CCDC125: variants seen among roughly 807,000 people sequenced by gnomAD.
CCDC125 encodes coiled-coil domain-containing protein 125.
Under a neutral mutation model 57.4 loss-of-function variants are expected in CCDC125, and 43 were observed. The ratio of observed to expected loss-of-function variants is 0.75; its 90% CI spans 0.59 to 0.97. The LOEUF (loss-of-function observed/expected upper bound fraction) is 0.97. Ranked by LOEUF, CCDC125 falls within the 50% of genes least tolerant of loss-of-function variation. CCDC125 has a pLI of 0.00. For synonymous variants in CCDC125, 187 were observed against 195.2 expected, an observed-to-expected ratio of 0.96 and a Z score of 0.35; for missense variants, 563 against 595.7, an observed-to-expected ratio of 0.95 and a Z score of 0.57.
chr5:69,322,137 A>C lies in CCDC125; in HGVS notation c.-40-1557T>G, dbSNP rs996736609. Among the ~76,000 whole-genome samples, 2 of 150,636 alleles carry C rather than the reference A, an allele frequency of 1.3e-5. 1 individual carries two copies. Among genetic ancestry groups the C allele is most frequent in the South Asian group, 4.2e-4 (2 of 4,772 alleles). The stretch of plus-strand genomic sequence containing the variant: ...ATTACAGGCATGAGCCACCGCGCCC[A>C]GCTGGGTTTTTTTTTTCATTTGTTT... On this transcript the variant is annotated intron_variant, in intron 1 of 11. Transcript: ENST00000396496.
At chr5:69,308,789 A>C (rs907250151) in intron 4 of CCDC125, 12 of 158,420 alleles carry the variant, frequency 7.6e-5, no homozygotes, top group African/African-American at 2.4e-4. Flanking sequence ...AAATGTGGGA[A>C]AGATTGGAAC....
chr5:69,276,426 G>T, downstream of CCDC125: 1 of 812,126 alleles, frequency 1.2e-6, no homozygotes, highest in Non-Finnish European at 2.0e-6. Flanking sequence ...TGTTTTGTTG[G>T]GAATGAGGGC....
the CCDC125 span, among the ~76,000 whole-genome samples, chr5:69,274,093 C>G: frequency 5.3e-5 from 8 of 152,140 alleles, no homozygotes; most frequent in Non-Finnish European, 1.0e-4. Flanking sequence ...TTATTTCCAT[C>G]ATAATAAACT....
chr5:69,295,619 G>A (rs180915648), intron 8 of CCDC125, among the ~76,000 whole-genome samples: 2 of 152,256 alleles, frequency 1.3e-5, no homozygotes, highest in East Asian at 3.9e-4. Flanking sequence ...CTCCGTTACA[G>A]ATTAGCTGTC....
intron 5 of CCDC125, 41 bp downstream of exon 5, chr5:69,307,910 C>T: frequency 6.9e-7 from 1 of 1,455,394 alleles, no homozygotes. Flanking sequence ...TATTTAACAG[C>T]TTATTGGATT....
At chr5:69,328,265 G>A (rs911418373) in intron 1 of CCDC125, among the ~76,000 whole-genome samples, 5 of 151,834 alleles carry the variant, frequency 3.3e-5, no homozygotes, top group African/African-American at 1.2e-4. Flanking sequence ...AATGCATTCA[G>A]CAATTTACTC....
chr5:69,313,476 C>T, intron 3 of CCDC125: 4 of 1,133,980 alleles, frequency 3.5e-6, no homozygotes, highest in Non-Finnish European at 4.0e-6. Flanking sequence ...GTAATTCTTG[C>T]TTGATTCCTG....
chr5:69,294,848 G>C lies in CCDC125; in HGVS notation c.869C>G (p.Ser290Cys). Residue 290 changes from serine to cysteine, a missense_variant, in exon 9 of 12, where the codon TCT (serine) becomes TGT (cysteine). Coordinates refer to ENST00000396496, the MANE Select transcript of CCDC125 (RefSeq NM_176816.5). ...AGTGGATGCTGCCATTCTGGCACAA[G>C]AACAGGGGTTCCCTCCGGGCCCATG... ...LCHGPGGNPC[S>C]CARMAASTRK... is the part of the protein sequence containing the mutation. 6.2e-7 allele frequency: 1 copy of C among 1,614,246 alleles called. No individual in the cohort carries two copies. The highest frequency in any genetic ancestry group is 8.5e-7 in the Non-Finnish European group (1 of 1,180,044).
chr5:69,285,481 T>C lies in CCDC125; in HGVS notation c.1100-14A>G. On this transcript the variant is annotated splice_polypyrimidine_tract_variant and intron_variant, in intron 10 of 11. Transcript: ENST00000396496. ...GTGATGGAAATCCTAAAATTGAACA[T>C]GAGAATCCAGCTGAGACATTAAAAT... The C allele has an allele frequency of 1.9e-6, 3 of 1,589,090 alleles. No homozygotes were observed. Among genetic ancestry groups the C allele is most frequent in the Non-Finnish European group, 2.6e-6 (3 of 1,172,358 alleles).
chr5:69,305,174 T>C (rs1421705051), intron 6 of CCDC125, among the ~76,000 whole-genome samples: 1 of 152,060 alleles, frequency 6.6e-6, no homozygotes, highest in Non-Finnish European at 1.5e-5. Flanking sequence ...ATAAACAAAA[T>C]GGCGTACATA....
At chr5:69,312,817 T>C (rs1758373687) in intron 3 of CCDC125, among the ~76,000 whole-genome samples, 1 of 152,200 alleles carries the variant, frequency 6.6e-6, no homozygotes, top group Non-Finnish European at 1.5e-5. Context: ...TTTGGTACCA[T>C]TTAAACAAAA....
At chr5:69,305,829 A>AC (rs1757245161) in intron 6 of CCDC125, among the ~76,000 whole-genome samples, 1 of 151,194 alleles carries the variant, frequency 6.6e-6, no homozygotes, top group Admixed American at 6.6e-5. Context: ...GAGCCCCCTG[A>AC]CCCCTTCTTC....
chr5:69,315,457 A>C (rs1580180980), intron 2 of CCDC125, among the ~76,000 whole-genome samples: 4 of 9,114 alleles, frequency 4.4e-4, no homozygotes, highest in Non-Finnish European at 6.4e-4. Context: ...AAACAAAAAA[A>C]AAAACAAAAA....
At chr5:69,276,533 C>A (rs201391862), downstream of CCDC125, 1 of 1,611,830 alleles carries the variant, frequency 6.2e-7, no homozygotes, top group East Asian at 2.2e-5. Context: ...GGTATCTTTT[C>A]TTTTAAAAGG....
At chr5:69,315,489 G>A (rs1386109738) in intron 2 of CCDC125, among the ~76,000 whole-genome samples, 1 of 59,552 alleles carries the variant, frequency 1.7e-5, no homozygotes, top group African/African-American at 3.6e-5. Flanking sequence ...AGGTGTGGTG[G>A]CTCACACCTG....
At chr5:69,277,024 G>A (rs1435165701), downstream of CCDC125, 2 of 1,185,896 alleles carry the variant, frequency 1.7e-6, no homozygotes, top group Non-Finnish European at 2.4e-6. Flanking sequence ...TTGGAATGCA[G>A]TGACTGGTTA....
chr5:69,303,983 G>T, intron 6 of CCDC125, 54 bp from the exon 7 acceptor site: 1 of 1,002,574 alleles, frequency 1.0e-6, no homozygotes, highest in Non-Finnish European at 1.5e-6. Flanking sequence ...CTTGCTGAGC[G>T]AGAATATTTT....
chr5:69,293,664 C>T lies in CCDC125; in HGVS notation c.924+1129G>A, dbSNP rs1359938180. On this transcript the variant is annotated intron_variant, in intron 9 of 11. Transcript: ENST00000396496. ...ATCCGTCTCAAAAAAAAAAAAAAAC[C>T]CAAACACTTTAATTTTTTTAAATTT... 2.7e-5 allele frequency among the ~76,000 whole-genome samples: 4 copies of T among 146,792 alleles called. No individual in the cohort carries two copies. The East Asian group carries it at 8.3e-4, about 30-fold the overall frequency.
chr5:69,321,681 T>C (rs949675383), intron 1 of CCDC125, among the ~76,000 whole-genome samples: 1 of 152,244 alleles, frequency 6.6e-6, no homozygotes, highest in Non-Finnish European at 1.5e-5. Flanking sequence ...TGGTCTGTCA[T>C]TGACTGAAAC....
Sources: gnomAD v4.1 joint callset for allele counts (sites outside exome capture counted in the v4.1 genomes callset) on GRCh38, gnomAD v4.1.1 for gene constraint, MANE v1.5 for transcripts, NCBI Gene and HGNC (gene_info 2026-07-23, HGNC 2026-07-21) for gene names.